GID8: variants seen among roughly 807,000 people sequenced by gnomAD.
GID8 encodes the protein glucose-induced degradation protein 8 homolog.
A neutral mutation model predicts 27.4 loss-of-function variants in GID8; 6 were observed. That is an observed-to-expected ratio of 0.22 (90% confidence interval 0.12 to 0.43). The LOEUF (loss-of-function observed/expected upper bound fraction) is 0.43, where lower values mean the gene tolerates loss of function less well. Among genes scored for constraint, GID8 ranks in the 20% least tolerant of loss-of-function variants. GID8 has a pLI of 1.00. For missense variants in GID8, 173 were observed against 287.6 expected, an observed-to-expected ratio of 0.60 and a Z score of 2.88; for synonymous variants, 112 against 109.0, an observed-to-expected ratio of 1.03 and a Z score of -0.17.
In GID8 at chr20:62,943,818, T is replaced by A; in HGVS notation, c.513+126T>A. On this transcript the variant is annotated intron_variant, in intron 4 of 4. Coordinates refer to ENST00000266069, the MANE Select transcript of GID8 (RefSeq NM_017896.3). This position sits in a 1 kb window ranked among gnomAD's most constrained non-coding sequence, Gnocchi z 4.7. ...CAGGTGGCTTCTGTGCCTGGGATGC[T>A]AAGTGGTTCCTTCATGGCTTTTTTT... 3.0e-6 allele frequency: 2 copies of A among 659,806 alleles called. No individual in the cohort carries two copies. The highest frequency in any genetic ancestry group is 5.2e-6 in the Non-Finnish European group (2 of 387,516). The allele number at this position is 659,806 out of a possible 1,614,324, so 40.9% of individuals were successfully genotyped here.
rs186146147 is a variant in GID8 at position 62,940,920 on chromosome 20, G to A, written c.-12-571G>A. ...TAACACATTTCAGTGAAGAAATAAC[G>A]TCTGATGATGGGGAGTGCCCCCAAA... is the stretch of plus-strand genomic sequence containing the variant. On this transcript the variant is annotated intron_variant, in intron 1 of 4. Transcript: ENST00000266069. Among the ~76,000 whole-genome samples the A allele has an allele frequency of 5.3e-5, 8 of 152,362 alleles. No individual in the cohort carries two copies. In the East Asian group the frequency reaches 5.8e-4, roughly 11 times the overall value.
At chr20:62,944,717 A>G (rs2065458066) in intron 4 of GID8, 22 bp from the exon 5 acceptor site, 1 of 1,547,908 alleles carries the variant, frequency 6.5e-7, no homozygotes, top group Non-Finnish European at 8.9e-7. Flanking sequence ...GGTGGTTTTT[A>G]TCAGATGTAT....
chr20:62,938,761 C>G (rs961485522), intron 1 of GID8: 1 of 152,100 alleles, frequency 6.6e-6, no homozygotes, highest in Non-Finnish European at 1.5e-5. Flanking sequence ...TTTTCATGGG[C>G]GCACGTAACT....
At chr20:62,940,605 TC>T in intron 1 of GID8, among the ~76,000 whole-genome samples, 1 of 152,284 alleles carries the variant, frequency 6.6e-6, no homozygotes, top group East Asian at 1.9e-4. Context: ...CGCCTCGGCC[TC>T]CCAAAGTGCT....
chr20:62,942,451 C>CA (rs1454302271), intron 2 of GID8, among the ~76,000 whole-genome samples: 1 of 151,632 alleles, frequency 6.6e-6, no homozygotes, highest in Non-Finnish European at 1.5e-5. Context: ...GACCCCATCT[C>CA]AAAAAAAATA....
At chr20:62,941,746 T>C (rs1284741007) in intron 2 of GID8, 126 bp downstream of exon 2, 16 of 680,452 alleles carry the variant, frequency 2.4e-5, no homozygotes, top group Non-Finnish European at 3.5e-5. Context: ...GAAAACACAA[T>C]GCTAACCTGG....
At position 62,943,795 on chromosome 20, in the gene GID8, G is replaced by C; in HGVS notation, c.513+103G>C. 1 of 860,164 alleles carries C rather than the reference G, an allele frequency of 1.2e-6. No individual in the cohort carries two copies. Among genetic ancestry groups the C allele is most frequent in the Non-Finnish European group, 1.9e-6 (1 of 538,334 alleles). The allele number at this position is 860,164 out of a possible 1,614,324, so 53.3% of individuals were successfully genotyped here. A position where few individuals can be genotyped will look rare whatever the true frequency, so the allele number is the denominator to read the frequency against. Reference sequence around the variant, plus strand: ...GCTTTGCTGTGTGGACTGAGAGACAGGTGGCTTCTGTGCCTGGGATGCTAA... The same window carrying C: ...GCTTTGCTGTGTGGACTGAGAGACACGTGGCTTCTGTGCCTGGGATGCTAA... On this transcript the variant is annotated intron_variant, in intron 4 of 4. Coordinates refer to ENST00000266069, the MANE Select transcript of GID8 (RefSeq NM_017896.3). The surrounding 1 kb of genome is among the most constrained non-coding windows in gnomAD (Gnocchi z 4.7).
Position 62,947,158 on chromosome 20 carries a change from C to T in GID8, c.*2246C>T, listed in dbSNP as rs560431742. 1.2e-3 allele frequency: 181 copies of T among 152,064 alleles called. 1 individual carries two copies. The highest frequency in any genetic ancestry group is 8.6e-3 in the Admixed American group (131 of 15,284). 9.4% of individuals were successfully genotyped at this position (152,064 alleles called of 1,614,324 possible). A position where few individuals can be genotyped will look rare whatever the true frequency, so the allele number is the denominator to read the frequency against. On this transcript the variant is annotated 3_prime_UTR_variant, in exon 5 of 5. Transcript: ENST00000266069. ...GGAGACTGGGAAGTCTCCAGCGTTACTGCTCTCCTTCCCTTCATGATAAGC... is the reference window on the plus strand; with the variant it reads ...GGAGACTGGGAAGTCTCCAGCGTTATTGCTCTCCTTCCCTTCATGATAAGC...
Position 62,943,713 on chromosome 20 carries a change from G to T in GID8, c.513+21G>T. The T allele has an allele frequency of 6.3e-7, 1 of 1,594,220 alleles. No homozygotes were observed. The highest frequency in any genetic ancestry group is 1.3e-5 in the African/African-American group (1 of 74,672). Reference sequence around the variant, plus strand: ...AGAAGGTGGGGCCTGCCAGAGGGAAGCTTTCTTCCATTCCCCATGTGCTCT... The same window carrying T: ...AGAAGGTGGGGCCTGCCAGAGGGAATCTTTCTTCCATTCCCCATGTGCTCT... On this transcript the variant is annotated intron_variant, in intron 4 of 4. Transcript: ENST00000266069. The surrounding 1 kb of genome is among the most constrained non-coding windows in gnomAD (Gnocchi z 4.7).
At chr20:62,944,034 C>T (rs1391259517) in intron 4 of GID8, among the ~76,000 whole-genome samples, 2 of 152,058 alleles carry the variant, frequency 1.3e-5, no homozygotes, top group African/African-American at 4.8e-5. Flanking sequence ...TGGGGTTTCA[C>T]CATATTGGCC....
intron 1 of GID8, among the ~76,000 whole-genome samples, chr20:62,939,012 G>C (rs2065423833): frequency 6.6e-6 from 1 of 152,080 alleles, no homozygotes. Flanking sequence ...CAGTTACTCT[G>C]GAGGCTGAGG....
In GID8 at chr20:62,945,008, ACT is replaced by A. The variant is rs1282321291; in HGVS notation, c.*99_*100del. ...TGCAAGATTCTTACTGCAGTAGAGA[ACT>A]CTTTTTCTCCCTTGTACTTTTTTTT... On this transcript the variant is annotated 3_prime_UTR_variant, in exon 5 of 5. Transcript: ENST00000266069. The A allele has an allele frequency of 8.2e-6, 12 of 1,463,600 alleles. No homozygotes were observed. The highest frequency in any genetic ancestry group is 2.7e-5 in the Admixed American group (1 of 36,996). 90.7% of individuals were successfully genotyped at this position (1,463,600 alleles called of 1,614,324 possible).
intron 2 of GID8, among the ~76,000 whole-genome samples, chr20:62,941,875 T>G (rs1174609277): frequency 6.6e-6 from 1 of 152,198 alleles, no homozygotes; most frequent in East Asian, 1.9e-4. Context: ...TCAAAATAAT[T>G]GAGACTGTTG....
In GID8 at chr20:62,946,091, G is replaced by T. The variant is rs573704854; in HGVS notation, c.*1179G>T. 8.7e-7 allele frequency: 1 copy of T among 1,150,262 alleles called. No homozygotes were observed. Among genetic ancestry groups the T allele is most frequent in the African/African-American group, 1.6e-5 (1 of 63,480 alleles). The allele number at this position is 1,150,262 out of a possible 1,614,324, so 71.3% of individuals were successfully genotyped here. The stretch of plus-strand genomic sequence containing the variant: ...AGATGTGTTTGGATTCATTGCAGCG[G>T]ACCACCGGGCACTGTTGACCCCACT... On this transcript the variant is annotated 3_prime_UTR_variant, in exon 5 of 5. Transcript: ENST00000266069.
rs1451110785 is a variant in GID8 at position 62,945,849 on chromosome 20, C to T, written c.*937C>T. 26 of 1,289,712 alleles carry T rather than the reference C, an allele frequency of 2.0e-5. No homozygotes were observed. Among genetic ancestry groups the T allele is most frequent in the Middle Eastern group, 2.1e-4 (1 of 4,696 alleles). 79.9% of individuals were successfully genotyped at this position (1,289,712 alleles called of 1,614,324 possible). A position where few individuals can be genotyped will look rare whatever the true frequency, so the allele number is the denominator to read the frequency against. On this transcript the variant is annotated 3_prime_UTR_variant, in exon 5 of 5. Coordinates refer to ENST00000266069, the MANE Select transcript of GID8 (RefSeq NM_017896.3). ...CCAGCAGGTGGTGCACGACTGTTGG[C>T]GGAAGGAACGCGTGTTCATCCTCAG...
chr20:62,945,863 G>T lies in GID8; in HGVS notation c.*951G>T, dbSNP rs1160258698. The T allele has an allele frequency of 7.8e-7, 1 of 1,289,648 alleles. No homozygotes were observed. The highest frequency in any genetic ancestry group is 1.5e-5 in the African/African-American group (1 of 65,880). The allele number at this position is 1,289,648 out of a possible 1,614,324, so 79.9% of individuals were successfully genotyped here. A position where few individuals can be genotyped will look rare whatever the true frequency, so the allele number is the denominator to read the frequency against. ...ACGACTGTTGGCGGAAGGAACGCGT[G>T]TTCATCCTCAGTGATCTGCCCTCCA... On this transcript the variant is annotated 3_prime_UTR_variant, in exon 5 of 5. Coordinates refer to ENST00000266069, the MANE Select transcript of GID8 (RefSeq NM_017896.3).
rs995776640 is a variant in GID8 at position 62,943,451 on chromosome 20, G to T, written c.316-44G>T. The T allele has an allele frequency of 7.0e-6, 11 of 1,571,386 alleles. No individual in the cohort carries two copies. The highest frequency in any genetic ancestry group is 1.3e-5 in the African/African-American group (1 of 74,100). On this transcript the variant is annotated intron_variant, in intron 3 of 4. Transcript: ENST00000266069. The surrounding 1 kb of genome is among the most constrained non-coding windows in gnomAD (Gnocchi z 4.7). ...CTGGTACCACCTGCCCTAAGTCCCT[G>T]GCCTGGGTGTGTGGGGGTCAAGCTT...
At chr20:62,939,423 C>T (rs1244351793) in intron 1 of GID8, among the ~76,000 whole-genome samples, 4 of 151,466 alleles carry the variant, frequency 2.6e-5, no homozygotes, top group South Asian at 2.1e-4. Flanking sequence ...CCAGCACCGC[C>T]CCCCCCGCCC....
At position 62,946,250 on chromosome 20, in the gene GID8, G is replaced by A. The variant is rs1488204832; in HGVS notation, c.*1338G>A. ...TGCTAGCACTTGAATCTGGGATCTC[G>A]CCTTATTCTCAAGTAGCAAGGCATC... On this transcript the variant is annotated 3_prime_UTR_variant, in exon 5 of 5. Coordinates refer to ENST00000266069, the MANE Select transcript of GID8 (RefSeq NM_017896.3). 1.5e-5 allele frequency: 5 copies of A among 331,616 alleles called. No homozygotes were observed. The highest frequency in any genetic ancestry group is 4.4e-5 in the African/African-American group (2 of 45,940). The allele number at this position is 331,616 out of a possible 1,614,324, so 20.5% of individuals were successfully genotyped here.
Sources: gnomAD v4.1 joint callset for allele counts (sites outside exome capture counted in the v4.1 genomes callset) on GRCh38, gnomAD v4.1.1 for gene constraint, Gnocchi (gnomAD v3.1) non-coding constraint, MANE v1.5 for transcripts, NCBI Gene and HGNC (gene_info 2026-07-23, HGNC 2026-07-21) for gene names.